COL19A1: variants seen among roughly 807,000 people sequenced by gnomAD.
COL19A1 encodes collagen alpha-1(XIX) chain.
In COL19A1, 159 loss-of-function variants were observed where a neutral mutation model predicts 190.2. The ratio of observed to expected loss-of-function variants is 0.84; its 90% CI spans 0.73 to 0.95. The LOEUF is 0.95. Among genes scored for constraint, COL19A1 ranks in the 40% least tolerant of loss-of-function variants. COL19A1 has a pLI of 0.00. For synonymous variants in COL19A1, 509 were observed against 458.9 expected (o/e 1.11, Z -1.39); for missense variants, 1,418 against 1,431.9 (o/e 0.99, Z 0.16).
chr6:70,149,965 A>G, intron 29 of COL19A1, 27 bp from the exon 30 acceptor site: 1 of 1,613,732 alleles, frequency 6.2e-7, no homozygotes, highest in Non-Finnish European at 8.5e-7. Flanking sequence ...ACGTGCAAAG[A>G]TTGAACATGG....
chr6:70,145,775 C>CAGTGGT (rs1180091203), intron 25 of COL19A1, among the ~76,000 whole-genome samples: 8 of 139,166 alleles, frequency 5.7e-5, no homozygotes, highest in Non-Finnish European at 1.2e-4. Flanking sequence ...GGCTAGAGTG[C>CAGTGGT]AGTGGTACAA....
At chr6:70,165,235 T>C (rs1765076986) in intron 36 of COL19A1, among the ~76,000 whole-genome samples, 1 of 152,226 alleles carries the variant, frequency 6.6e-6, no homozygotes, top group Non-Finnish European at 1.5e-5. Flanking sequence ...CTATGGTTTA[T>C]AAAAATAGAA....
intron 13 of COL19A1, 29 bp downstream of exon 13, chr6:70,034,327 C>T (rs1385880980): frequency 2.5e-6 from 4 of 1,586,102 alleles, no homozygotes; most frequent in South Asian, 1.1e-5. Context: ...CAAGCCCAAC[C>T]TTTCTTTAAG....
At chr6:69,997,026 T>TATATATATATAGAG (rs576813975) in intron 11 of COL19A1, among the ~76,000 whole-genome samples, 20 of 146,974 alleles carry the variant, frequency 1.4e-4, no homozygotes, top group African/African-American at 3.4e-4. Flanking sequence ...TATATATATA[T>TATATATATATAGAG]AGAGAGAGAG....
At chr6:70,006,324 C>G (rs1777623521) in intron 11 of COL19A1, among the ~76,000 whole-genome samples, 2 of 152,188 alleles carry the variant, frequency 1.3e-5, no homozygotes, top group South Asian at 2.1e-4. Context: ...ATGGGTTGCA[C>G]AGTTCTGTGG....
chr6:70,121,531 G>A (rs974445550), intron 16 of COL19A1, among the ~76,000 whole-genome samples: 4 of 152,166 alleles, frequency 2.6e-5, no homozygotes, highest in Non-Finnish European at 5.9e-5. Flanking sequence ...AAAATCCTGT[G>A]AGAAGTGCCA....
chr6:69,971,167 A>G (rs1471295073), intron 11 of COL19A1, among the ~76,000 whole-genome samples: 1 of 152,214 alleles, frequency 6.6e-6, no homozygotes, highest in African/African-American at 2.4e-5. Flanking sequence ...TAAGAGGAGA[A>G]TAACTATAAA....
At chr6:69,898,132 T>C (rs1375759120) in intron 2 of COL19A1, among the ~76,000 whole-genome samples, 1 of 152,192 alleles carries the variant, frequency 6.6e-6, no homozygotes, top group African/African-American at 2.4e-5. Context: ...AAAGTTGTGA[T>C]TGCATGATGC....
chr6:69,886,421 C>T (rs931387235), intron 2 of COL19A1, among the ~76,000 whole-genome samples: 2 of 152,114 alleles, frequency 1.3e-5, no homozygotes, highest in African/African-American at 4.8e-5. Flanking sequence ...AACAGTATGG[C>T]GGTTCTGAAG....
At chr6:69,976,816 G>A (rs1386687777) in intron 11 of COL19A1, among the ~76,000 whole-genome samples, 3 of 152,126 alleles carry the variant, frequency 2.0e-5, no homozygotes, top group African/African-American at 7.2e-5. Flanking sequence ...AACACTCAAG[G>A]GAGACAATTG....
chr6:70,001,850 C>G (rs562088645), intron 11 of COL19A1, among the ~76,000 whole-genome samples: 21 of 152,056 alleles, frequency 1.4e-4, no homozygotes, highest in East Asian at 1.2e-3. Flanking sequence ...ATTTGAATAC[C>G]CTTTATTTCT....
intron 16 of COL19A1, 71 bp downstream of exon 16, chr6:70,102,293 A>T: frequency 9.0e-7 from 1 of 1,114,266 alleles, no homozygotes; most frequent in Non-Finnish European, 1.4e-6. Context: ...CCTAAGGATT[A>T]TTTTACTCCC....
At chr6:70,098,025 C>A (rs562153834) in intron 15 of COL19A1, among the ~76,000 whole-genome samples, 2 of 152,122 alleles carry the variant, frequency 1.3e-5, no homozygotes, top group South Asian at 2.1e-4. Context: ...ACCAAAACAG[C>A]CAGAGATAGA....
chr6:70,007,979 G>A (rs1485060152), intron 11 of COL19A1, among the ~76,000 whole-genome samples: 1 of 151,720 alleles, frequency 6.6e-6, no homozygotes, highest in African/African-American at 2.4e-5. Flanking sequence ...ACACCCTGTA[G>A]GTCAAAGAAG....
chr6:69,938,141 G>T (rs761741739), intron 9 of COL19A1, 41 bp downstream of exon 9: 2 of 1,575,014 alleles, frequency 1.3e-6, no homozygotes, highest in African/African-American at 1.4e-5. Flanking sequence ...ACAGGGTTTT[G>T]TTAAAAAATG....
rs73746856 is a variant in COL19A1, at chr6:70,035,188, C to T, written c.1135-716C>T. Among the ~76,000 whole-genome samples, 353 of 152,192 alleles carry T rather than the reference C, an allele frequency of 2.3e-3. 3 individuals carry two copies. The highest frequency in any genetic ancestry group is 6.9e-3 in the African/African-American group (288 of 41,542). ...CTAAATAAGAACCGTGGAAAGGATG[C>T]GTGGTCTTTAATGTTTGAGAGTTCT... On this transcript the variant is annotated intron_variant, in intron 13 of 50. Coordinates refer to ENST00000620364, the MANE Select transcript of COL19A1 (RefSeq NM_001858.6).
Position 69,879,649 on chromosome 6 carries a change from G to T in COL19A1, c.82G>T (p.Asp28Tyr). The change falls in exon 2 of 51, where the codon GAC becomes TAC. Residue 28 changes from aspartate to tyrosine, a missense_variant. Coordinates refer to ENST00000620364, the MANE Select transcript of COL19A1 (RefSeq NM_001858.6). ...TGCTTCCACTTCCGTGACCGTTAGG[G>T]ACAAGACAGGTATCCAGGCCAACTC... ...LPASTSVTVR[D>Y]KTEESCPILR... 1 of 1,614,044 alleles carries T rather than the reference G, an allele frequency of 6.2e-7. No homozygotes were observed. Among genetic ancestry groups the T allele is most frequent in the Non-Finnish European group, 8.5e-7 (1 of 1,179,998 alleles).
chr6:69,978,342 C>T (rs976451079), intron 11 of COL19A1, among the ~76,000 whole-genome samples: 9 of 151,836 alleles, frequency 5.9e-5, no homozygotes, highest in Admixed American at 2.0e-4. Context: ...ATTTTTTATA[C>T]GTTCATGGAA....
Position 70,062,996 on chromosome 6 carries a change from C to T in COL19A1, c.1171-5427C>T, listed in dbSNP as rs193195463. Among the ~76,000 whole-genome samples the T allele has an allele frequency of 2.4e-3, 363 of 152,148 alleles. 2 individuals are homozygous for T. Among genetic ancestry groups the T allele is most frequent in the African/African-American group, 8.4e-3 (350 of 41,504 alleles). On this transcript the variant is annotated intron_variant, in intron 14 of 50. Coordinates refer to ENST00000620364, the MANE Select transcript of COL19A1 (RefSeq NM_001858.6). ...ATTCATAAAGCAAGTCCTTAGAGAC[C>T]TACAAAGAGCCTTAGACTCCCATAC...
Sources: gnomAD v4.1 joint callset for allele counts (sites outside exome capture counted in the v4.1 genomes callset) on GRCh38, gnomAD v4.1.1 for gene constraint, MANE v1.5 for transcripts, NCBI Gene and HGNC (gene_info 2026-07-23, HGNC 2026-07-21) for gene names.